PIK3C2B: variants seen among roughly 807,000 people sequenced by gnomAD.
The protein encoded by PIK3C2B is phosphatidylinositol-4-phosphate 3-kinase catalytic subunit type 2 beta, also known as phosphatidylinositol 4-phosphate 3-kinase C2 domain-containing subunit beta.
PIK3C2B carries 83 observed loss-of-function variants against 184.3 expected under a neutral mutation model. The observed-to-expected ratio is 0.45, with a 90% CI of 0.38 to 0.54. PIK3C2B has a LOEUF of 0.54. Among genes scored for constraint, PIK3C2B ranks in the 20% least tolerant of loss-of-function variants. The pLI is 0.00. For missense variants in PIK3C2B, 1,736 were observed against 2,113.5 expected (o/e 0.82, Z 3.50); for synonymous variants, 779 against 837.6 (o/e 0.93, Z 1.21).
Position 204,494,519 on chromosome 1 carries a change from C to T in PIK3C2B, c.-248G>A, listed in dbSNP as rs1459268873. The T allele has an allele frequency of 3.3e-5, 5 of 151,818 alleles. No homozygotes were observed. Among genetic ancestry groups the T allele is most frequent in the Admixed American group, 6.6e-5 (1 of 15,244 alleles). The allele number at this position is 151,818 out of a possible 1,614,324, so 9.4% of individuals were successfully genotyped here. ...CACGCCGCCTGCTCCCGGGCCGCTC[C>T]CCTCTCCAGGCTCCGCACAGACCCT... On this transcript the variant is annotated 5_prime_UTR_variant, in exon 1 of 33. Transcript: ENST00000684373.
intron 12 of PIK3C2B, 107 bp from the exon 13 acceptor site, chr1:204,450,124 C>T (rs908358047): frequency 1.0e-6 from 1 of 969,408 alleles, no homozygotes; most frequent in Non-Finnish European, 1.5e-6. Flanking sequence ...CAGCCTCCCT[C>T]TCAGGGTTCA....
intron 3 of PIK3C2B, 24 bp from the exon 4 acceptor site, chr1:204,464,628 T>A: frequency 6.2e-7 from 1 of 1,609,138 alleles, no homozygotes; most frequent in Non-Finnish European, 8.5e-7. Context: ...AAAAAAACCC[T>A]CACTGTGCCT....
At chr1:204,488,048 A>G (rs1197676242) in intron 1 of PIK3C2B, among the ~76,000 whole-genome samples, 1 of 152,214 alleles carries the variant, frequency 6.6e-6, no homozygotes, top group Non-Finnish European at 1.5e-5. Flanking sequence ...TTTTACAACA[A>G]ATTTTGTCTG....
rs1004071065 is a variant in PIK3C2B at position 204,464,643 on chromosome 1, AAG to A, written c.1035-41_1035-40del. ...AAAAAAACCCTCACTGTGCCTTTAG[AAG>A]AGAGTAGTCAAGAAGACATCTGTTG... is the stretch of plus-strand genomic sequence containing the variant. On this transcript the variant is annotated intron_variant, in intron 3 of 32. Transcript: ENST00000684373. 4 of 1,596,326 alleles carry A rather than the reference AAG, an allele frequency of 2.5e-6. No individual in the cohort carries two copies. In the East Asian group the frequency reaches 6.7e-5, roughly 27 times the overall value.
intron 1 of PIK3C2B, among the ~76,000 whole-genome samples, chr1:204,475,237 T>C (rs1656624722): frequency 2.0e-5 from 3 of 152,170 alleles, no homozygotes; most frequent in Non-Finnish European, 4.4e-5. Context: ...TGCCCTGCTC[T>C]CCCTCTCACC....
intron 11 of PIK3C2B, 77 bp downstream of exon 11, chr1:204,455,779 T>C (rs1487013653): frequency 1.9e-5 from 21 of 1,100,162 alleles, no homozygotes; most frequent in Non-Finnish European, 2.5e-5. Flanking sequence ...ACAGTGGTAT[T>C]ACATGCAGAT....
intron 9 of PIK3C2B, 130 bp from the exon 10 acceptor site, chr1:204,457,200 CCA>C: frequency 1.4e-6 from 1 of 717,714 alleles, no homozygotes. Flanking sequence ...CTGAGAATCC[CCA>C]GAGAGGAGAG....
Position 204,464,590 on chromosome 1 carries a change from G to C in PIK3C2B, c.1049C>G (p.Ser350Cys). Residue 350 changes from serine to cysteine, a missense_variant, in exon 4 of 33, where the codon TCT (serine) becomes TGT (cysteine). This residue lies in a region of PIK3C2B where 609 missense variants were observed against 699.2 expected (regional missense o/e 0.87). Transcript: ENST00000684373. The part of the protein sequence containing the change: ...CHMLDILRSG[S>C]DIQDYFLTGY... Reference sequence around the variant, plus strand: ...AGTGAGGAAGTAGTCTTGGATGTCAGAGCCAGATCGAAGGCTGTACAGGAA... The same window carrying C: ...AGTGAGGAAGTAGTCTTGGATGTCACAGCCAGATCGAAGGCTGTACAGGAA... 1 of 1,614,076 alleles carries C rather than the reference G, an allele frequency of 6.2e-7. No individual in the cohort carries two copies. Among genetic ancestry groups the C allele is most frequent in the Non-Finnish European group, 8.5e-7 (1 of 1,179,992 alleles).
chr1:204,475,919 C>T (rs1656670215), intron 1 of PIK3C2B, among the ~76,000 whole-genome samples: 1 of 152,140 alleles, frequency 6.6e-6, no homozygotes, highest in Non-Finnish European at 1.5e-5. Context: ...CCCAGGGCCA[C>T]ACTGGCAATG....
At chr1:204,484,213 C>G (rs996181800) in intron 1 of PIK3C2B, among the ~76,000 whole-genome samples, 2 of 152,056 alleles carry the variant, frequency 1.3e-5, no homozygotes, top group Admixed American at 1.3e-4. Flanking sequence ...TATTTTGTGC[C>G]AGGTATTGTC....
intron 15 of PIK3C2B, among the ~76,000 whole-genome samples, chr1:204,446,700 G>A (rs1653901537): frequency 1.3e-5 from 2 of 152,210 alleles, no homozygotes; most frequent in Non-Finnish European, 2.9e-5. Flanking sequence ...GGAGAAGGGA[G>A]CTGAGGGTCT....
At chr1:204,484,460 CG>C (rs981417924) in intron 1 of PIK3C2B, among the ~76,000 whole-genome samples, 4 of 152,076 alleles carry the variant, frequency 2.6e-5, no homozygotes, top group African/African-American at 7.2e-5. Flanking sequence ...AGCTGATGGC[CG>C]GGCGCGGTGG....
chr1:204,430,229 C>T (rs541727804), intron 28 of PIK3C2B, among the ~76,000 whole-genome samples, 191 bp from the exon 29 acceptor site: 1 of 152,182 alleles, frequency 6.6e-6, no homozygotes, highest in South Asian at 2.1e-4. Context: ...GACACCTGCT[C>T]AGCATCTCAT....
At chr1:204,464,831 C>G (rs1655619695) in intron 3 of PIK3C2B, among the ~76,000 whole-genome samples, 1 of 152,146 alleles carries the variant, frequency 6.6e-6, no homozygotes, top group African/African-American at 2.4e-5. Context: ...TTGAACAGTA[C>G]AAATAGTTCT....
In PIK3C2B at chr1:204,464,015, TGCAGGAACTCCTCCAGCCC is replaced by T. The variant is rs1655546771; in HGVS notation, c.1288_1306del (p.Gly430ArgfsTer26). Reference sequence around the variant, plus strand: ...TACCTCCCACCCATTCACTCACTTCTGCAGGAACTCCTCCAGCCCGCAGGGCTTTAGCACAAAGTCACCC... The same window carrying T: ...TACCTCCCACCCATTCACTCACTTCTGCAGGGCTTTAGCACAAAGTCACCC... On this transcript the variant is annotated frameshift_variant, in exon 5 of 33. Coordinates refer to ENST00000684373, the MANE Select transcript of PIK3C2B (RefSeq NM_001377334.1). LOFTEE classifies it high-confidence loss of function. The T allele has an allele frequency of 6.2e-7, 1 of 1,613,886 alleles. No homozygotes were observed. Among genetic ancestry groups the T allele is most frequent in the African/African-American group, 1.3e-5 (1 of 74,922 alleles).
At chr1:204,434,342 C>T (rs1675229206) in intron 24 of PIK3C2B, 97 bp downstream of exon 24, 5 of 1,095,924 alleles carry the variant, frequency 4.6e-6, no homozygotes, top group South Asian at 1.3e-5. Context: ...GATCTGAGGC[C>T]CAGCTGCTTC....
chr1:204,443,437 C>T lies in PIK3C2B; in HGVS notation c.3028G>A (p.Ala1010Thr). Residue 1010 changes from alanine (A) to threonine (T), a missense_variant, in exon 19 of 33, where the codon GCA (alanine) becomes ACA (threonine). By Grantham distance (58) the Ala-to-Thr change is moderately conservative. Coordinates refer to ENST00000684373, the MANE Select transcript of PIK3C2B (RefSeq NM_001377334.1). ...LAKLAQQVRE[A>T]APSARQGILR... ...CTAACCTGCCTTGCAGATGGGGCTG[C>T]CTCCCGGACCTGCTGGGCCAGTTTG... is the stretch of plus-strand genomic sequence containing the variant. The T allele has an allele frequency of 6.2e-7, 1 of 1,614,136 alleles. No individual in the cohort carries two copies. The highest frequency in any genetic ancestry group is 8.5e-7 in the Non-Finnish European group (1 of 1,180,022).
At position 204,464,574 on chromosome 1, in the gene PIK3C2B, G is replaced by A. The variant is rs150088373; in HGVS notation, c.1065C>T (p.Tyr355=). The A allele has an allele frequency of 2.5e-5, 41 of 1,614,162 alleles. No individual in the cohort carries two copies. The African/African-American group carries it at 5.3e-4, about 21-fold the overall frequency. The stretch of plus-strand genomic sequence containing the variant: ...CACTCCAGACATAGCCAGTGAGGAA[G>A]TAGTCTTGGATGTCAGAGCCAGATC... ...ILRSGSDIQD[Y]FLTGYVWSAV... is the part of the protein sequence containing the mutation. Residue 355 remains tyrosine, a synonymous_variant, in exon 4 of 33, where the codon TAC becomes TAT. Transcript: ENST00000684373.
At chr1:204,491,366 G>C (rs1657990379) in intron 1 of PIK3C2B, among the ~76,000 whole-genome samples, 1 of 150,860 alleles carries the variant, frequency 6.6e-6, no homozygotes, top group African/African-American at 2.4e-5. Flanking sequence ...TCCAGTCTGG[G>C]TGACAGGGTG....
Sources: gnomAD v4.1 joint callset for allele counts (sites outside exome capture counted in the v4.1 genomes callset) on GRCh38, gnomAD v4.1.1 for gene constraint, gnomAD v4.1.1 regional missense constraint, MANE v1.5 for transcripts, NCBI Gene and HGNC (gene_info 2026-07-23, HGNC 2026-07-21) for gene names.